Variants in SLK observed in about 807,000 individuals in gnomAD.
SLK encodes STE20 like kinase.
SLK carries 67 observed loss-of-function variants against 147.7 expected under a neutral mutation model. That is an observed-to-expected ratio of 0.45 (90% CI 0.37 to 0.56). The LOEUF is 0.56. Among genes scored for constraint, SLK ranks in the 20% least tolerant of loss-of-function variants. The pLI is 0.00. For missense variants in SLK, 1,136 were observed against 1,438.8 expected (o/e 0.79, Z 3.41); for synonymous variants, 441 against 475.0 (o/e 0.93, Z 0.93).
In SLK at chr10:103,967,289, C is replaced by T. The variant is rs1343663381; in HGVS notation, c.-457C>T. ...CGGAGGAGACCCTAGGCTCGCGGCC[C>T]GAGGCGGGAGGGCTCGGCTTCTCGA... On this transcript the variant is annotated 5_prime_UTR_variant, in exon 1 of 19. Coordinates refer to ENST00000369755, the MANE Select transcript of SLK (RefSeq NM_014720.4). 1 of 149,838 alleles carries T rather than the reference C, an allele frequency of 6.7e-6. No individual in the cohort carries two copies. Among genetic ancestry groups the T allele is most frequent in the East Asian group, 1.9e-4 (1 of 5,146 alleles). The allele number at this position is 149,838 out of a possible 1,614,324, so 9.3% of individuals were successfully genotyped here.
In SLK at chr10:104,003,254, A is replaced by G. The variant is rs1398967719; in HGVS notation, c.2076A>G (p.Lys692=). The G allele has an allele frequency of 6.2e-7, 1 of 1,612,938 alleles. No homozygotes were observed. Among genetic ancestry groups the G allele is most frequent in the South Asian group, 1.1e-5 (1 of 90,926 alleles). The part of the protein sequence containing the change: ...EKKEIPVSIK[K]EPEVTVVSQP... The stretch of plus-strand genomic sequence containing the variant: ...AAGAAATTCCAGTGTCAATTAAAAA[A>G]GAGCCTGAAGTTACTGTAGTTTCAC... The change falls in exon 9 of 19, where the codon AAA becomes AAG. Residue 692 remains lysine (K), a synonymous_variant. Coordinates refer to ENST00000369755, the MANE Select transcript of SLK (RefSeq NM_014720.4).
intron 18 of SLK, among the ~76,000 whole-genome samples, chr10:104,024,543 C>A (rs747160447): frequency 2.0e-4 from 30 of 152,344 alleles, no homozygotes; most frequent in Non-Finnish European, 2.9e-4. Context: ...CGGCTTCCTG[C>A]CTTTGTGCTG....
chr10:104,017,318 C>T (rs1056620375), intron 13 of SLK, among the ~76,000 whole-genome samples: 1 of 152,188 alleles, frequency 6.6e-6, no homozygotes, highest in Non-Finnish European at 1.5e-5. Flanking sequence ...ATTAATTTCT[C>T]AAACTATTGT....
chr10:103,990,839 GGTAA>G lies in SLK; in HGVS notation c.315+4_315+7del, dbSNP rs1844083528. On this transcript the variant is annotated splice_donor_variant and splice_donor_region_variant and intron_variant, in intron 2 of 18. Coordinates refer to ENST00000369755, the MANE Select transcript of SLK (RefSeq NM_014720.4). LOFTEE classifies it high-confidence loss of function. ...CCTTCTATTATGAGAACAATCTTTG[GGTAA>G]GTATTTTCTGTTGATCTAAAGGAGT... is the stretch of plus-strand genomic sequence containing the variant. 1 of 1,488,472 alleles carries G rather than the reference GGTAA, an allele frequency of 6.7e-7. No individual in the cohort carries two copies. 92.2% of individuals were successfully genotyped at this position (1,488,472 alleles called of 1,614,324 possible). A position where few individuals can be genotyped will look rare whatever the true frequency, so the allele number is the denominator to read the frequency against.
At chr10:103,995,429 T>TC (rs1844157228) in intron 4 of SLK, among the ~76,000 whole-genome samples, 1 of 144,252 alleles carries the variant, frequency 6.9e-6, no homozygotes, top group South Asian at 2.3e-4. Flanking sequence ...TTTTCTTTTT[T>TC]TTTTTTTTTT....
chr10:104,008,282 G>C lies in SLK; in HGVS notation c.2710G>C (p.Ala904Pro). ...QEHTNRLRDE[A>P]KRIKGEQEKE... ...GCACACAAATCGCTTGCGAGATGAA[G>C]CCAAACGCATCAAAGGAGAACAAGA... Residue 904 changes from alanine to proline, a missense_variant, in exon 12 of 19, where the codon GCC (alanine) becomes CCC (proline). By Grantham distance (27) the Ala-to-Pro change is conservative. This residue lies in a region of SLK where 327 missense variants were observed against 457.5 expected (regional missense o/e 0.71). Coordinates refer to ENST00000369755, the MANE Select transcript of SLK (RefSeq NM_014720.4). 6.2e-7 allele frequency: 1 copy of C among 1,614,026 alleles called. No homozygotes were observed. Among genetic ancestry groups the C allele is most frequent in the South Asian group, 1.1e-5 (1 of 91,072 alleles).
chr10:103,967,977 T>A, intron 1 of SLK, 82 bp downstream of exon 1: 1 of 1,404,116 alleles, frequency 7.1e-7, no homozygotes, highest in Admixed American at 1.8e-5. Context: ...TCTGCTCCCC[T>A]GGTCCTTATC....
chr10:103,969,488 C>T (rs1010890607), intron 1 of SLK, among the ~76,000 whole-genome samples: 11 of 152,260 alleles, frequency 7.2e-5, no homozygotes, highest in East Asian at 3.9e-4. Flanking sequence ...AATTATGATA[C>T]ATATTTGGGT....
rs151199961 is a variant in SLK at position 104,028,046 on chromosome 10, A to G, written c.*2326A>G. On this transcript the variant is annotated 3_prime_UTR_variant, in exon 19 of 19. Coordinates refer to ENST00000369755, the MANE Select transcript of SLK (RefSeq NM_014720.4). ...CTTTTCAAAAAGTGTTTTGTTATAA[A>G]ATACGCTGTTTGTACCCATACCAGC... 3.3e-5 allele frequency: 5 copies of G among 152,314 alleles called. No individual in the cohort carries two copies. The highest frequency in any genetic ancestry group is 9.6e-5 in the African/African-American group (4 of 41,572). The allele number at this position is 152,314 out of a possible 1,614,324, so 9.4% of individuals were successfully genotyped here.
intron 1 of SLK, among the ~76,000 whole-genome samples, chr10:103,985,355 T>C (rs1282218999): frequency 6.6e-6 from 1 of 152,228 alleles, no homozygotes; most frequent in Non-Finnish European, 1.5e-5. Context: ...TTCTGCAGCT[T>C]GGACCAGTGC....
intron 9 of SLK, 123 bp from the exon 10 acceptor site, chr10:104,005,438 T>G: frequency 1.3e-6 from 1 of 771,362 alleles, no homozygotes; most frequent in East Asian, 2.8e-5. Flanking sequence ...TTTCTATGTG[T>G]AGTCTGCATG....
chr10:103,994,599 A>G (rs987710630), intron 4 of SLK, among the ~76,000 whole-genome samples: 2 of 152,186 alleles, frequency 1.3e-5, no homozygotes, highest in Non-Finnish European at 2.9e-5. Flanking sequence ...AAAAAACCTT[A>G]TGCATTACAA....
At chr10:103,984,613 C>T (rs187049679) in intron 1 of SLK, among the ~76,000 whole-genome samples, 5 of 152,256 alleles carry the variant, frequency 3.3e-5, no homozygotes, top group Admixed American at 6.5e-5. Flanking sequence ...CAGTATTTCG[C>T]CATTTGTCCA....
chr10:104,003,498 A>T lies in SLK; in HGVS notation c.2320A>T (p.Thr774Ser). 6.3e-7 allele frequency: 1 copy of T among 1,591,384 alleles called. No homozygotes were observed. Among genetic ancestry groups the T allele is most frequent in the Non-Finnish European group, 8.5e-7 (1 of 1,170,134 alleles). Residue 774 changes from threonine to serine, a missense_variant, in exon 9 of 19, where the codon ACT (threonine) becomes TCT (serine). Thr to Ser is a moderately conservative substitution (Grantham distance 58). This residue lies in a region of SLK where 516 missense variants were observed against 531.3 expected (regional missense o/e 0.97). Coordinates refer to ENST00000369755, the MANE Select transcript of SLK (RefSeq NM_014720.4). ...ATCCATCTCTAGCTTTCTAAGTAAA[A>T]CTAAAGACAGTGGATCGATATCTTT... Reference protein sequence around the residue: ...NLSISSFLSKTKDSGSISLQE... With the variant: ...NLSISSFLSKSKDSGSISLQE...
chr10:104,020,884 T>C (rs1457923563), intron 17 of SLK, among the ~76,000 whole-genome samples: 1 of 152,234 alleles, frequency 6.6e-6, no homozygotes, highest in African/African-American at 2.4e-5. Context: ...GTATGGTTTT[T>C]AGTATATTTT....
Position 104,023,586 on chromosome 10 carries a change from G to T in SLK, c.3561+1853G>T, listed in dbSNP as rs116243484. Reference sequence around the variant, plus strand: ...TTATTGTTTCTTGTTTTTATTATCAGTTTGGGCAGTAAGCGCCCATTTTCC... The same window carrying T: ...TTATTGTTTCTTGTTTTTATTATCATTTTGGGCAGTAAGCGCCCATTTTCC... On this transcript the variant is annotated intron_variant, in intron 18 of 18. Transcript: ENST00000369755. Among the ~76,000 whole-genome samples the T allele has an allele frequency of 2.6e-3, 397 of 152,212 alleles. 1 individual carries two copies. The highest frequency in any genetic ancestry group is 9.0e-3 in the African/African-American group (374 of 41,534).
At chr10:103,991,521 A>G (rs1335871229) in intron 2 of SLK, among the ~76,000 whole-genome samples, 2 of 152,048 alleles carry the variant, frequency 1.3e-5, no homozygotes, top group Non-Finnish European at 1.5e-5. Context: ...TAAGTAGTAT[A>G]AGGAATACCT....
At chr10:104,013,715 G>T (rs369148949) in intron 13 of SLK, among the ~76,000 whole-genome samples, 1 of 152,178 alleles carries the variant, frequency 6.6e-6, no homozygotes, top group Non-Finnish European at 1.5e-5. Context: ...TAAGTCCCAC[G>T]TGCCTGTGGG....
chr10:103,967,897 TA>T lies in SLK; in HGVS notation c.150+4del. The T allele has an allele frequency of 4.5e-6, 7 of 1,571,940 alleles. No homozygotes were observed. Among genetic ancestry groups the T allele is most frequent in the Non-Finnish European group, 5.2e-6 (6 of 1,157,146 alleles). ...GGAGCCTTTGGGAAAGTGTACAAGG[TA>T]AGAGGGGGAAAACGGGAAGTTGTAC... is the stretch of plus-strand genomic sequence containing the variant. On this transcript the variant is annotated splice_donor_region_variant and intron_variant, in intron 1 of 18. Transcript: ENST00000369755.
Sources: gnomAD v4.1 joint callset for allele counts (sites outside exome capture counted in the v4.1 genomes callset) on GRCh38, gnomAD v4.1.1 for gene constraint, gnomAD v4.1.1 regional missense constraint, MANE v1.5 for transcripts, NCBI Gene and HGNC (gene_info 2026-07-23, HGNC 2026-07-21) for gene names.